PUM3: variants seen among roughly 807,000 people sequenced by gnomAD.
The protein encoded by PUM3 is pumilio homolog 3.
Under a neutral mutation model 84.0 loss-of-function variants are expected in PUM3, and 91 were observed. The ratio of observed to expected loss-of-function variants is 1.08; its 90% CI spans 0.91 to 1.29. The LOEUF (loss-of-function observed/expected upper bound fraction) is 1.29. PUM3 is among the 50% of genes most tolerant of loss of function. PUM3 has a pLI of 0.00. For missense variants in PUM3, 1,067 were observed against 767.5 expected (o/e 1.39, Z -4.61); for synonymous variants, 321 against 266.7 (o/e 1.20, Z -1.98).
intron 10 of PUM3, among the ~76,000 whole-genome samples, chr9:2,825,271 C>T (rs116531114): frequency 0.031 from 4,729 of 152,178 alleles, 221 homozygotes; most frequent in African/African-American, 0.1. Flanking sequence ...CTTCCCTTTT[C>T]AGTTCATAAC....
At chr9:2,842,689 G>A (rs1816297341) in intron 1 of PUM3, among the ~76,000 whole-genome samples, 1 of 152,016 alleles carries the variant, frequency 6.6e-6, no homozygotes. Context: ...CCCAAATCAT[G>A]TCTCCATTAT....
At chr9:2,815,410 G>A (rs1484837119) in intron 13 of PUM3, among the ~76,000 whole-genome samples, 2 of 152,184 alleles carry the variant, frequency 1.3e-5, no homozygotes, top group African/African-American at 4.8e-5. Context: ...ATCACATGGT[G>A]TGTACTAACA....
intron 10 of PUM3, among the ~76,000 whole-genome samples, chr9:2,825,941 G>A (rs893392799): frequency 2.6e-4 from 39 of 152,080 alleles, no homozygotes; most frequent in African/African-American, 8.5e-4. Flanking sequence ...TCATCAATAA[G>A]GAACAAACAA....
chr9:2,825,962 AAGTATC>A (rs985947859), intron 10 of PUM3, among the ~76,000 whole-genome samples: 10 of 152,194 alleles, frequency 6.6e-5, no homozygotes, highest in African/African-American at 1.7e-4. Context: ...TTTCAGCCTC[AAGTATC>A]TAACAATCCC....
intron 8 of PUM3, 65 bp downstream of exon 8, chr9:2,829,709 C>T: frequency 2.2e-6 from 3 of 1,385,492 alleles, no homozygotes; most frequent in Non-Finnish European, 3.0e-6. Flanking sequence ...ATATAGGGCA[C>T]CGGAAGTTAA....
chr9:2,837,514 C>T, intron 2 of PUM3, 113 bp from the exon 3 acceptor site: 1 of 668,818 alleles, frequency 1.5e-6, no homozygotes. Flanking sequence ...CCATGTCTTA[C>T]TCTCAAATAT....
At chr9:2,824,902 T>C (rs61277458) in intron 10 of PUM3, 87 bp from the exon 11 acceptor site, 51,334 of 844,726 alleles carry the variant, frequency 0.061, 3,311 homozygotes, top group African/African-American at 0.28. Context: ...GGGGCAGTTA[T>C]GCAGAGAGAA....
chr9:2,834,305 C>T, intron 3 of PUM3, 139 bp from the exon 4 acceptor site: 1 of 625,838 alleles, frequency 1.6e-6, no homozygotes, highest in Non-Finnish European at 2.6e-6. Flanking sequence ...TACCATCCCC[C>T]ATATATACTT....
intron 9 of PUM3, among the ~76,000 whole-genome samples, chr9:2,827,411 A>G (rs1036422249): frequency 1.3e-5 from 2 of 152,236 alleles, no homozygotes; most frequent in African/African-American, 4.8e-5. Flanking sequence ...TAAAATCAAC[A>G]TTTGAAATAT....
intron 3 of PUM3, among the ~76,000 whole-genome samples, chr9:2,835,200 G>A (rs557749383): frequency 1.7e-3 from 266 of 152,242 alleles, no homozygotes; most frequent in African/African-American, 6.1e-3. Context: ...ATCATTTGAG[G>A]CCAGGAGTTT....
chr9:2,806,819 A>G (rs937154085), intron 17 of PUM3, among the ~76,000 whole-genome samples: 1 of 152,218 alleles, frequency 6.6e-6, no homozygotes, highest in African/African-American at 2.4e-5. Flanking sequence ...ATCCTTTTAC[A>G]ATCTTTTAAA....
At chr9:2,843,511 T>C (rs1018148780) in intron 1 of PUM3, among the ~76,000 whole-genome samples, 1 of 151,422 alleles carries the variant, frequency 6.6e-6, no homozygotes, top group Non-Finnish European at 1.5e-5. Flanking sequence ...GGAGTGAAGC[T>C]AGTCCACTCT....
chr9:2,828,427 G>A, intron 9 of PUM3: 1 of 381,474 alleles, frequency 2.6e-6, no homozygotes, highest in South Asian at 3.6e-5. Context: ...GGGAAAGAAT[G>A]TTTCATTGCT....
At chr9:2,813,211 C>G (rs1248205282) in intron 13 of PUM3, among the ~76,000 whole-genome samples, 1 of 152,170 alleles carries the variant, frequency 6.6e-6, no homozygotes, top group Non-Finnish European at 1.5e-5. Flanking sequence ...GGGACAAAAG[C>G]AACGTCATCC....
chr9:2,818,438 G>A (rs918096796), intron 13 of PUM3, among the ~76,000 whole-genome samples: 1 of 152,166 alleles, frequency 6.6e-6, no homozygotes, highest in Non-Finnish European at 1.5e-5. Context: ...AGACAATTCT[G>A]GCAAATCATG....
At chr9:2,843,821 G>T (rs1377831530) in intron 1 of PUM3, among the ~76,000 whole-genome samples, 1 of 151,824 alleles carries the variant, frequency 6.6e-6, no homozygotes. Context: ...CTTGTGATCC[G>T]CCCGCCTCGG....
chr9:2,831,242 A>T lies in PUM3; in HGVS notation c.610+9T>A. The T allele has an allele frequency of 6.6e-7, 1 of 1,526,044 alleles. No homozygotes were observed. The highest frequency in any genetic ancestry group is 9.1e-7 in the Non-Finnish European group (1 of 1,102,906). 94.5% of individuals were successfully genotyped at this position (1,526,044 alleles called of 1,614,324 possible). On this transcript the variant is annotated intron_variant, in intron 6 of 17. Transcript: ENST00000397885. ...AATGATAACATAATCTTTAGTATGTAATAAATACCTCGCAATTCTTCAAAA... is the reference window on the plus strand; with the variant it reads ...AATGATAACATAATCTTTAGTATGTTATAAATACCTCGCAATTCTTCAAAA...
chr9:2,840,446 C>T (rs1157225924), intron 1 of PUM3, among the ~76,000 whole-genome samples: 1 of 152,158 alleles, frequency 6.6e-6, no homozygotes, highest in Admixed American at 6.5e-5. Flanking sequence ...CTAAGTTTTA[C>T]CTGCTAACTT....
At chr9:2,843,245 T>C (rs1816315465) in intron 1 of PUM3, among the ~76,000 whole-genome samples, 1 of 152,176 alleles carries the variant, frequency 6.6e-6, no homozygotes, top group South Asian at 2.1e-4. Context: ...TATCTTGTAC[T>C]CTAACTATAC....
Sources: gnomAD v4.1 joint callset for allele counts (sites outside exome capture counted in the v4.1 genomes callset) on GRCh38, gnomAD v4.1.1 for gene constraint, MANE v1.5 for transcripts, NCBI Gene and HGNC (gene_info 2026-07-23, HGNC 2026-07-21) for gene names.